Variants in RYR3 observed in about 807,000 individuals in gnomAD.
RYR3 encodes brain ryanodine receptor-calcium release channel.
A neutral mutation model predicts 584.3 loss-of-function variants in RYR3; 207 were observed. That is an observed-to-expected ratio of 0.35 (90% CI 0.32 to 0.40). RYR3 has a LOEUF of 0.40. Ranked by LOEUF, RYR3 falls within the 10% of genes least tolerant of loss-of-function variation. RYR3 has a pLI of 1.00. For missense variants in RYR3, 5,616 were observed against 6,089.2 expected (o/e 0.92, Z 2.59); for synonymous variants, 2,416 against 2,248.5 (o/e 1.07, Z -2.11).
intron 75 of RYR3, among the ~76,000 whole-genome samples, chr15:33,817,215 C>T (rs1041401676): frequency 2.0e-5 from 3 of 152,178 alleles, no homozygotes; most frequent in Admixed American, 1.3e-4. Context: ...TAAAATGCAC[C>T]GCCATGTCAT....
At chr15:33,381,070 T>C (rs2041152833) in intron 1 of RYR3, among the ~76,000 whole-genome samples, 1 of 152,192 alleles carries the variant, frequency 6.6e-6, no homozygotes, top group Non-Finnish European at 1.5e-5. Context: ...ATTAGATCAA[T>C]TTTCCTAAAC....
Position 33,836,292 on chromosome 15 carries a change from T to C in RYR3, c.11569-614T>C, listed in dbSNP as rs111584333. On this transcript the variant is annotated intron_variant, in intron 87 of 103. Coordinates refer to ENST00000634891, the MANE Select transcript of RYR3 (RefSeq NM_001036.6). ...CTCAGATCTTCCAAGAATTGTTTCCTACTGTGACATAGGGTATAAGGCACG... is the reference window on the plus strand; with the variant it reads ...CTCAGATCTTCCAAGAATTGTTTCCCACTGTGACATAGGGTATAAGGCACG... Among the ~76,000 whole-genome samples the C allele has an allele frequency of 4.4e-3, 662 of 152,168 alleles. 7 individuals are homozygous for C. Among genetic ancestry groups the C allele is most frequent in the African/African-American group, 0.015 (641 of 41,522 alleles).
intron 19 of RYR3, among the ~76,000 whole-genome samples, chr15:33,616,693 A>G (rs1158768859): frequency 1.3e-5 from 2 of 152,180 alleles, no homozygotes. Flanking sequence ...GAAGGCTAAA[A>G]AGCAGTGCCA....
chr15:33,638,812 G>C (rs1303390544), intron 27 of RYR3, among the ~76,000 whole-genome samples: 1 of 152,180 alleles, frequency 6.6e-6, no homozygotes, highest in Non-Finnish European at 1.5e-5. Context: ...AATGGGATTT[G>C]AATTGCATGT....
intron 80 of RYR3, among the ~76,000 whole-genome samples, chr15:33,822,158 C>T (rs907607329): frequency 1.3e-5 from 2 of 152,156 alleles, no homozygotes; most frequent in East Asian, 1.9e-4. Flanking sequence ...GCATTAAATG[C>T]GACAACACAT....
At chr15:33,476,288 A>G (rs535935534) in intron 2 of RYR3, among the ~76,000 whole-genome samples, 1 of 152,328 alleles carries the variant, frequency 6.6e-6, no homozygotes, top group Admixed American at 6.5e-5. Flanking sequence ...ACGATAAGTC[A>G]TACACTCATA....
chr15:33,345,396 A>G (rs1402443919), intron 1 of RYR3, among the ~76,000 whole-genome samples: 1 of 152,188 alleles, frequency 6.6e-6, no homozygotes, highest in Non-Finnish European at 1.5e-5. Flanking sequence ...CACTCTGGCT[A>G]GAGTGCAGTG....
intron 2 of RYR3, among the ~76,000 whole-genome samples, chr15:33,484,175 A>C (rs1263558102): frequency 2.0e-5 from 3 of 152,076 alleles, no homozygotes; most frequent in Non-Finnish European, 2.9e-5. Flanking sequence ...GTTTAAATGA[A>C]GAAGAGAAAA....
At chr15:33,549,738 T>G (rs2056532107) in intron 9 of RYR3, among the ~76,000 whole-genome samples, 1 of 152,232 alleles carries the variant, frequency 6.6e-6, no homozygotes, top group Admixed American at 6.5e-5. Flanking sequence ...TTTTACTATT[T>G]CCCTTGAAGA....
chr15:33,322,689 T>C (rs775514253), intron 1 of RYR3, among the ~76,000 whole-genome samples: 5 of 152,146 alleles, frequency 3.3e-5, no homozygotes, highest in African/African-American at 4.8e-5. Flanking sequence ...CATAAATGAC[T>C]ACAATCTATG....
chr15:33,318,780 T>A (rs2140504439), intron 1 of RYR3, among the ~76,000 whole-genome samples: 1 of 152,246 alleles, frequency 6.6e-6, no homozygotes, highest in South Asian at 2.1e-4. Context: ...TTTTAAATAA[T>A]TCATAATCAG....
intron 46 of RYR3, among the ~76,000 whole-genome samples, chr15:33,727,781 A>C (rs901439108): frequency 5.3e-5 from 8 of 152,178 alleles, no homozygotes; most frequent in African/African-American, 1.9e-4. Context: ...ACAGTATTTA[A>C]ATATGCTGTG....
chr15:33,464,507 T>TACATATACAC (rs1567296111), intron 1 of RYR3, among the ~76,000 whole-genome samples: 9,864 of 119,262 alleles, frequency 0.083, 871 homozygotes, highest in East Asian at 0.22. Flanking sequence ...TATATATACA[T>TACATATACAC]ACACATACAC....
At position 33,412,778 on chromosome 15, in the gene RYR3, G is replaced by C. The variant is rs968438085; in HGVS notation, c.52-60641G>C. 1.3e-5 allele frequency among the ~76,000 whole-genome samples: 2 copies of C among 152,166 alleles called. No individual in the cohort carries two copies. The highest frequency in any genetic ancestry group is 4.8e-5 in the African/African-American group (2 of 41,446). ...TGTTTCACACCCTCCCACTTCTACA[G>C]CTTCCTGTTTGCAAACAGATTTGCT... On this transcript the variant is annotated intron_variant, in intron 1 of 103. Transcript: ENST00000634891. The surrounding 1 kb of genome is among the most constrained non-coding windows in gnomAD (Gnocchi z 4.3).
In RYR3 at chr15:33,837,908, C is replaced by T. The variant is rs376998299; in HGVS notation, c.11928C>T (p.Tyr3976=). ...CTGATGAGAATGACATGTTTAATTA[C>T]GTTGATTTTGTAGACCGGTTCCATG... ...AEADENDMFN[Y]VDFVDRFHEP... The change falls in exon 89 of 104, where the codon TAC becomes TAT. Residue 3976 remains tyrosine (Y), a synonymous_variant. Coordinates refer to ENST00000634891, the MANE Select transcript of RYR3 (RefSeq NM_001036.6). 8.7e-6 allele frequency: 14 copies of T among 1,613,832 alleles called. No homozygotes were observed. Among genetic ancestry groups the T allele is most frequent in the Admixed American group, 3.3e-5 (2 of 60,008 alleles).
Position 33,746,121 on chromosome 15 carries a change from C to T in RYR3, c.7953C>T (p.His2651=), listed in dbSNP as rs1464487878. ...GISLDENVKT[H]PLIRPFKTLT... ...CCCTGGATGAAAATGTGAAGACCCA[C>T]CCACTGATAAGGCCTTTCAAGACAT... Residue 2651 remains histidine, a synonymous_variant, in exon 53 of 104, where the codon CAC becomes CAT. Transcript: ENST00000634891. The T allele has an allele frequency of 6.2e-7, 1 of 1,600,614 alleles. No homozygotes were observed. Among genetic ancestry groups the T allele is most frequent in the Non-Finnish European group, 8.5e-7 (1 of 1,173,560 alleles).
At chr15:33,683,817 A>C (rs2064803977) in intron 38 of RYR3, among the ~76,000 whole-genome samples, 1 of 152,280 alleles carries the variant, frequency 6.6e-6, no homozygotes, top group Non-Finnish European at 1.5e-5. Flanking sequence ...AGCAACTGGC[A>C]GACAAGGAGA....
chr15:33,667,446 C>G (rs573374170), intron 36 of RYR3, among the ~76,000 whole-genome samples: 42 of 152,224 alleles, frequency 2.8e-4, no homozygotes, highest in African/African-American at 1.0e-3. Context: ...GACTTTGACA[C>G]CAACCAAAAT....
intron 34 of RYR3, 84 bp downstream of exon 34, chr15:33,660,507 C>G: frequency 1.1e-6 from 1 of 911,100 alleles, no homozygotes; most frequent in Non-Finnish European, 1.6e-6. Context: ...AAACCAGGAG[C>G]ATCTGTGTTG....
Sources: allele counts gnomAD v4.1 joint callset (sites outside exome capture counted in the v4.1 genomes callset), GRCh38; gene constraint gnomAD v4.1.1; non-coding constraint Gnocchi (gnomAD v3.1); transcripts MANE v1.5; gene names NCBI Gene and HGNC (gene_info 2026-07-23, HGNC 2026-07-21).